Variants in STAT1 observed in about 807,000 individuals in gnomAD.
STAT1 encodes the protein signal transducer and activator of transcription 1-alpha/beta.
STAT1 carries 24 observed loss-of-function variants against 111.7 expected under a neutral mutation model. The ratio of observed to expected loss-of-function variants is 0.21; its 90% CI spans 0.16 to 0.30. The LOEUF is 0.30. Ranked by LOEUF, STAT1 falls within the 10% of genes least tolerant of loss-of-function variation. The pLI, the probability that STAT1 is intolerant of heterozygous loss-of-function variation, is 1.00. For synonymous variants in STAT1, 332 were observed against 326.5 expected (o/e 1.02, Z -0.18); for missense variants, 351 against 911.9 (o/e 0.38, Z 7.92).
At chr2:191,011,929 T>G (rs1374645604) in intron 2 of STAT1, among the ~76,000 whole-genome samples, 1 of 151,882 alleles carries the variant, frequency 6.6e-6, no homozygotes, top group Non-Finnish European at 1.5e-5. Flanking sequence ...TTTTAAATTT[T>G]CTGTAGAGAC....
rs1261675701 is a variant in STAT1 at position 190,997,936 on chromosome 2, T to C, written c.705A>G (p.Glu235=). The change falls in exon 9 of 25, where the codon GAA becomes GAG. Residue 235 remains glutamate, a synonymous_variant. Transcript: ENST00000361099. This position sits in a 1 kb window ranked among gnomAD's most constrained non-coding sequence, Gnocchi z 7.3. The part of the protein sequence containing the change: ...ELTQNALIND[E]LVEWKRRQQS... The stretch of plus-strand genomic sequence containing the variant: ...GCTGTCTCCGCTTCCACTCCACTAG[T>C]TCATCATTAATCAGGGCATTCTGGG... 1 of 1,614,114 alleles carries C rather than the reference T, an allele frequency of 6.2e-7. No individual in the cohort carries two copies. Among genetic ancestry groups the C allele is most frequent in the African/African-American group, 1.3e-5 (1 of 74,932 alleles).
chr2:191,005,480 T>C (rs1325463811), intron 5 of STAT1, among the ~76,000 whole-genome samples: 1 of 152,200 alleles, frequency 6.6e-6, no homozygotes, highest in Non-Finnish European at 1.5e-5. Context: ...CTTTTCTATG[T>C]TTAGATACAC....
Position 190,969,262 on chromosome 2 carries a change from C to G in STAT1, c.*1441G>C, listed in dbSNP as rs900296058. 19 of 152,108 alleles carry G rather than the reference C, an allele frequency of 1.2e-4. No individual in the cohort carries two copies. The highest frequency in any genetic ancestry group is 4.3e-4 in the African/African-American group (18 of 41,446). 9.4% of individuals were successfully genotyped at this position (152,108 alleles called of 1,614,324 possible). On this transcript the variant is annotated 3_prime_UTR_variant, in exon 25 of 25. Coordinates refer to ENST00000361099, the MANE Select transcript of STAT1 (RefSeq NM_007315.4). ...ATATAAAAACTGAGAGAGGAGGCCT[C>G]AGATTGTATGCAGTGCCACGGAAAG...
In STAT1 at chr2:190,978,899, C is replaced by T. The variant is rs199812941; in HGVS notation, c.1830G>A (p.Gly610=). 6.2e-7 allele frequency: 1 copy of T among 1,614,120 alleles called. No individual in the cohort carries two copies. The highest frequency in any genetic ancestry group is 2.2e-5 in the East Asian group (1 of 44,874). ...LLRFSESSRE[G]AITFTWVERS... ...GCTCCACCCATGTGAATGTGATGGCCCCTTCCCGGGAGCTCTCACTGAACC... is the reference window on the plus strand; with the variant it reads ...GCTCCACCCATGTGAATGTGATGGCTCCTTCCCGGGAGCTCTCACTGAACC... The change falls in exon 21 of 25, where the codon GGG becomes GGA. Residue 610 remains glycine, a synonymous_variant. Coordinates refer to ENST00000361099, the MANE Select transcript of STAT1 (RefSeq NM_007315.4). This position sits in a 1 kb window ranked among gnomAD's most constrained non-coding sequence, Gnocchi z 6.1.
rs1239721463 is a variant in STAT1 at position 190,995,651 on chromosome 2, T to G, written c.786-432A>C. Among the ~76,000 whole-genome samples the G allele has an allele frequency of 6.6e-6, 1 of 152,168 alleles. No individual in the cohort carries two copies. Among genetic ancestry groups the G allele is most frequent in the Non-Finnish European group, 1.5e-5 (1 of 68,030 alleles). On this transcript the variant is annotated intron_variant, in intron 9 of 24. Coordinates refer to ENST00000361099, the MANE Select transcript of STAT1 (RefSeq NM_007315.4). The surrounding 1 kb of genome is among the most constrained non-coding windows in gnomAD (Gnocchi z 4.2). ...GGGGACACGGCCAAACCATATGGCA[T>G]GGAAACCAACAAGTGGTTATATGCA...
Position 190,998,460 on chromosome 2 carries a change from A to T in STAT1, c.542-152T>A. 1.4e-6 allele frequency: 1 copy of T among 695,054 alleles called. No individual in the cohort carries two copies. Among genetic ancestry groups the T allele is most frequent in the Non-Finnish European group, 2.5e-6 (1 of 395,054 alleles). The allele number at this position is 695,054 out of a possible 1,614,324, so 43.1% of individuals were successfully genotyped here. On this transcript the variant is annotated intron_variant, in intron 7 of 24. Coordinates refer to ENST00000361099, the MANE Select transcript of STAT1 (RefSeq NM_007315.4). This position sits in a 1 kb window ranked among gnomAD's most constrained non-coding sequence, Gnocchi z 4.1. ...TCGATCTTTAATGAACATGAAAAAA[A>T]GTCCTAAGTATAACAACTAGACACA...
In STAT1 at chr2:191,007,528, T is replaced by C. The variant is rs369517526; in HGVS notation, c.372+35A>G. On this transcript the variant is annotated intron_variant, in intron 5 of 24. Coordinates refer to ENST00000361099, the MANE Select transcript of STAT1 (RefSeq NM_007315.4). This position sits in a 1 kb window ranked among gnomAD's most constrained non-coding sequence, Gnocchi z 4.2. ...TTGATGAATGAATACATTTTTATTT[T>C]ATTACAGTTTATGTGTTCAATGAGA... is the stretch of plus-strand genomic sequence containing the variant. 2.6e-5 allele frequency: 38 copies of C among 1,457,404 alleles called. No homozygotes were observed. In the South Asian group the frequency reaches 4.3e-4, roughly 17 times the overall value. The allele number at this position is 1,457,404 out of a possible 1,614,324, so 90.3% of individuals were successfully genotyped here. A position where few individuals can be genotyped will look rare whatever the true frequency, so the allele number is the denominator to read the frequency against.
At position 190,995,052 on chromosome 2, in the gene STAT1, T is replaced by C. The variant is rs1401754051; in HGVS notation, c.944+9A>G. The C allele has an allele frequency of 1.9e-6, 3 of 1,613,400 alleles. No homozygotes were observed. Among genetic ancestry groups the C allele is most frequent in the African/African-American group, 2.7e-5 (2 of 74,816 alleles). On this transcript the variant is annotated intron_variant, in intron 10 of 24. Coordinates refer to ENST00000361099, the MANE Select transcript of STAT1 (RefSeq NM_007315.4). The surrounding 1 kb of genome is among the most constrained non-coding windows in gnomAD (Gnocchi z 4.2). ...TACAGAAGGTACAAATAAATGTCCC[T>C]TGAGTTACCTCTGAATGAGCTGCTG...
chr2:190,992,980 G>C, intron 10 of STAT1: 1 of 253,496 alleles, frequency 3.9e-6, no homozygotes, highest in Admixed American at 5.4e-5. Context: ...AGTAGGGATG[G>C]GGTTTCATCA....
Position 190,995,011 on chromosome 2 carries a change from C to T in STAT1, c.944+50G>A, listed in dbSNP as rs2125061294. The T allele has an allele frequency of 6.4e-7, 1 of 1,562,766 alleles. No homozygotes were observed. The highest frequency in any genetic ancestry group is 8.8e-7 in the Non-Finnish European group (1 of 1,137,972). ...CATCTGAATTAACGGTAAAATGTTC[C>T]TCTGTATAGACCGATTACAGAAGGT... is the stretch of plus-strand genomic sequence containing the variant. On this transcript the variant is annotated intron_variant, in intron 10 of 24. Coordinates refer to ENST00000361099, the MANE Select transcript of STAT1 (RefSeq NM_007315.4). This position sits in a 1 kb window ranked among gnomAD's most constrained non-coding sequence, Gnocchi z 4.2.
rs1691695667 is a variant in STAT1, at chr2:190,973,916, G to A, written c.2238+914C>T. 6.6e-6 allele frequency among the ~76,000 whole-genome samples: 1 copy of A among 152,184 alleles called. No homozygotes were observed. Among genetic ancestry groups the A allele is most frequent in the African/African-American group, 2.4e-5 (1 of 41,444 alleles). ...TTATCATCGCATTCCCCAAATGTCT[G>A]AAGAGTGACGCCCTCTCATTCTCGC... On this transcript the variant is annotated intron_variant, in intron 24 of 24. Coordinates refer to ENST00000361099, the MANE Select transcript of STAT1 (RefSeq NM_007315.4). This position sits in a 1 kb window ranked among gnomAD's most constrained non-coding sequence, Gnocchi z 4.4.
At chr2:191,011,352 T>C (rs761514473) in intron 2 of STAT1, among the ~76,000 whole-genome samples, 1 of 152,170 alleles carries the variant, frequency 6.6e-6, no homozygotes, top group Non-Finnish European at 1.5e-5. Context: ...CGTCAGGCAA[T>C]GGGAGCTGCA....
chr2:190,976,932 G>T lies in STAT1; in HGVS notation c.1967C>A (p.Ala656Asp). The T allele has an allele frequency of 6.2e-7, 1 of 1,614,110 alleles. No individual in the cohort carries two copies. The highest frequency in any genetic ancestry group is 8.5e-7 in the Non-Finnish European group (1 of 1,179,960). ...DIIRNYKVMA[A>D]ENIPENPLKY... ...CAGGGGATTCTCAGGAATATTCTCA[G>T]CAGCCATGACTTTGTAATTGCGAAT... Residue 656 changes from alanine to aspartate, a missense_variant, in exon 22 of 25, where the codon GCT (alanine) becomes GAT (aspartate). This residue lies in a region of STAT1 where 181 missense variants were observed against 426.1 expected (regional missense o/e 0.42). Transcript: ENST00000361099. The surrounding 1 kb of genome is among the most constrained non-coding windows in gnomAD (Gnocchi z 6.0).
chr2:190,999,828 G>T lies in STAT1; in HGVS notation c.463-124C>A. Reference sequence around the variant, plus strand: ...AACAATTCCATCTCCCCCAAAAAGAGATCTGACTTGGACAGTTCTAATCAT... The same window carrying T: ...AACAATTCCATCTCCCCCAAAAAGATATCTGACTTGGACAGTTCTAATCAT... On this transcript the variant is annotated intron_variant, in intron 6 of 24. Coordinates refer to ENST00000361099, the MANE Select transcript of STAT1 (RefSeq NM_007315.4). The surrounding 1 kb of genome is among the most constrained non-coding windows in gnomAD (Gnocchi z 4.1). The T allele has an allele frequency of 2.8e-6, 2 of 717,576 alleles. No homozygotes were observed. The allele number at this position is 717,576 out of a possible 1,614,324, so 44.5% of individuals were successfully genotyped here.
At position 190,970,078 on chromosome 2, in the gene STAT1, A is replaced by T. The variant is rs1163743171; in HGVS notation, c.*625T>A. 6.3e-6 allele frequency: 1 copy of T among 159,348 alleles called. No homozygotes were observed. The highest frequency in any genetic ancestry group is 1.4e-5 in the Non-Finnish European group (1 of 72,154). 9.9% of individuals were successfully genotyped at this position (159,348 alleles called of 1,614,324 possible). On this transcript the variant is annotated 3_prime_UTR_variant, in exon 25 of 25. Coordinates refer to ENST00000361099, the MANE Select transcript of STAT1 (RefSeq NM_007315.4). This position sits in a 1 kb window ranked among gnomAD's most constrained non-coding sequence, Gnocchi z 5.4. ...CTAATATTCTCTTCTCAAGAAACAG[A>T]ATTTGTCTTTGTCTTTAAATAGCCA... is the stretch of plus-strand genomic sequence containing the variant.
At position 190,979,621 on chromosome 2, in the gene STAT1, C is replaced by T. The variant is rs901398618; in HGVS notation, c.1727+151G>A. 2 of 549,232 alleles carry T rather than the reference C, an allele frequency of 3.6e-6. No individual in the cohort carries two copies. The highest frequency in any genetic ancestry group is 3.9e-5 in the African/African-American group (2 of 50,962). 34.0% of individuals were successfully genotyped at this position (549,232 alleles called of 1,614,324 possible). A position where few individuals can be genotyped will look rare whatever the true frequency, so the allele number is the denominator to read the frequency against. The stretch of plus-strand genomic sequence containing the variant: ...GTAAGGTTAATGTTATGAGGTTCTA[C>T]TCTTCTGAAGCCCTGAAGGGGCAGC... On this transcript the variant is annotated intron_variant, in intron 20 of 24. Transcript: ENST00000361099. This position sits in a 1 kb window ranked among gnomAD's most constrained non-coding sequence, Gnocchi z 5.8.
Position 190,973,195 on chromosome 2 carries a change from G to A in STAT1, c.2238+1635C>T, listed in dbSNP as rs969501327. ...CAATCCTGTACAAACAGCTTCTTCA[G>A]GGTGCATGTTTTGAATGGGGCAAAG... On this transcript the variant is annotated intron_variant, in intron 24 of 24. Coordinates refer to ENST00000361099, the MANE Select transcript of STAT1 (RefSeq NM_007315.4). The surrounding 1 kb of genome is among the most constrained non-coding windows in gnomAD (Gnocchi z 4.4). 6.6e-6 allele frequency among the ~76,000 whole-genome samples: 1 copy of A among 152,126 alleles called. No individual in the cohort carries two copies. The highest frequency in any genetic ancestry group is 2.4e-5 in the African/African-American group (1 of 41,412).
In STAT1 at chr2:190,995,049, C is replaced by T; in HGVS notation, c.944+12G>A. On this transcript the variant is annotated intron_variant, in intron 10 of 24. Coordinates refer to ENST00000361099, the MANE Select transcript of STAT1 (RefSeq NM_007315.4). The surrounding 1 kb of genome is among the most constrained non-coding windows in gnomAD (Gnocchi z 4.2). Reference sequence around the variant, plus strand: ...GATTACAGAAGGTACAAATAAATGTCCCTTGAGTTACCTCTGAATGAGCTG... The same window carrying T: ...GATTACAGAAGGTACAAATAAATGTTCCTTGAGTTACCTCTGAATGAGCTG... 1 of 1,611,896 alleles carries T rather than the reference C, an allele frequency of 6.2e-7. No individual in the cohort carries two copies. The highest frequency in any genetic ancestry group is 8.5e-7 in the Non-Finnish European group (1 of 1,178,790).
At position 190,978,718 on chromosome 2, in the gene STAT1, CG is replaced by C; in HGVS notation, c.1873+137del. 2 of 1,067,512 alleles carry C rather than the reference CG, an allele frequency of 1.9e-6. No individual in the cohort carries two copies. The allele number at this position is 1,067,512 out of a possible 1,614,324, so 66.1% of individuals were successfully genotyped here. A position where few individuals can be genotyped will look rare whatever the true frequency, so the allele number is the denominator to read the frequency against. On this transcript the variant is annotated intron_variant, in intron 21 of 24. Coordinates refer to ENST00000361099, the MANE Select transcript of STAT1 (RefSeq NM_007315.4). This position sits in a 1 kb window ranked among gnomAD's most constrained non-coding sequence, Gnocchi z 6.1. ...TTTGTGGTGGTTTATTAAATCCTAT[CG>C]GGGGCTCATTTGGGGTAAGTATAAG... is the stretch of plus-strand genomic sequence containing the variant.
Sources: gnomAD v4.1 joint callset for allele counts (sites outside exome capture counted in the v4.1 genomes callset) on GRCh38, gnomAD v4.1.1 for gene constraint, gnomAD v4.1.1 regional missense constraint, Gnocchi (gnomAD v3.1) non-coding constraint, MANE v1.5 for transcripts, NCBI Gene and HGNC (gene_info 2026-07-23, HGNC 2026-07-21) for gene names.